Variants in NT5C2 observed in about 807,000 individuals in gnomAD.
NT5C2 encodes the protein cytosolic purine 5'-nucleotidase.
A neutral mutation model predicts 76.1 loss-of-function variants in NT5C2; 58 were observed. The ratio of observed to expected loss-of-function variants is 0.76; its 90% CI spans 0.62 to 0.95. The LOEUF is 0.95. Among genes scored for constraint, NT5C2 ranks in the 40% least tolerant of loss-of-function variants. The probability of loss-of-function intolerance (pLI) is 0.00; values close to 1 mark genes in which losing one functional copy is unlikely to be tolerated. For missense variants in NT5C2, 478 were observed against 690.3 expected, an observed-to-expected ratio of 0.69 and a Z score of 3.45; for synonymous variants, 229 against 237.4, an observed-to-expected ratio of 0.96 and a Z score of 0.32.
intron 4 of NT5C2, chr10:103,111,656 G>A: frequency 1.2e-6 from 1 of 848,728 alleles, no homozygotes; most frequent in Non-Finnish European, 1.6e-6. Flanking sequence ...GACACACTAT[G>A]TAGTAATTTA....
chr10:103,116,700 C>T (rs2074435344), intron 4 of NT5C2, among the ~76,000 whole-genome samples: 1 of 151,294 alleles, frequency 6.6e-6, no homozygotes, highest in African/African-American at 2.4e-5. Flanking sequence ...TCAGCCTCCC[C>T]AGTAGCTGGG....
At chr10:103,105,213 T>G in intron 6 of NT5C2, 1 of 176,790 alleles carries the variant, frequency 5.7e-6, no homozygotes. Context: ...ACCTTATGTT[T>G]ACATTTTTTT....
intron 3 of NT5C2, among the ~76,000 whole-genome samples, chr10:103,145,864 A>C (rs1407245261): frequency 1.3e-5 from 2 of 152,236 alleles, no homozygotes; most frequent in Non-Finnish European, 2.9e-5. Context: ...AACTCCATCC[A>C]AGTAAATATA....
chr10:103,172,985 G>C lies in NT5C2; in HGVS notation c.101+1873C>G, dbSNP rs558454497. On this transcript the variant is annotated intron_variant, in intron 3 of 18. Transcript: ENST00000404739. ...ATCAAGCCACTGGACTTCAGCCTTG[G>C]CAACAGAACGAGACTCTGTCTCAAA... is the stretch of plus-strand genomic sequence containing the variant. 2.6e-5 allele frequency among the ~76,000 whole-genome samples: 4 copies of C among 152,246 alleles called. No individual in the cohort carries two copies. The East Asian group carries it at 7.7e-4, about 29-fold the overall frequency.
Position 103,088,586 on chromosome 10 carries a change from C to T in NT5C2, c.*1086G>A, listed in dbSNP as rs1393841901. On this transcript the variant is annotated 3_prime_UTR_variant, in exon 19 of 19. Transcript: ENST00000404739. ...ATTTTTAGTAGAGATGGGGTTTCTC[C>T]ATGTTGGTAAGGCTGGTCTCGAACT... 2.6e-5 allele frequency: 4 copies of T among 156,618 alleles called. No homozygotes were observed. Among genetic ancestry groups the T allele is most frequent in the Non-Finnish European group, 5.7e-5 (4 of 70,708 alleles). 9.7% of individuals were successfully genotyped at this position (156,618 alleles called of 1,614,324 possible). A position where few individuals can be genotyped will look rare whatever the true frequency, so the allele number is the denominator to read the frequency against.
At chr10:103,144,832 G>A (rs570682999) in intron 3 of NT5C2, among the ~76,000 whole-genome samples, 1 of 152,270 alleles carries the variant, frequency 6.6e-6, no homozygotes, top group South Asian at 2.1e-4. Context: ...GAAATATGAT[G>A]TTTTCCTATG....
intron 3 of NT5C2, among the ~76,000 whole-genome samples, chr10:103,156,529 C>A (rs996001759): frequency 3.3e-5 from 5 of 151,490 alleles, no homozygotes; most frequent in South Asian, 2.1e-4. Flanking sequence ...CCGAGGCGGG[C>A]GGATCACCTG....
intron 2 of NT5C2, among the ~76,000 whole-genome samples, chr10:103,179,028 A>G (rs1156359521): frequency 6.9e-6 from 1 of 144,734 alleles, no homozygotes; most frequent in African/African-American, 2.6e-5. Flanking sequence ...GGCTCACTGC[A>G]ACCTCCACCT....
chr10:103,089,672 T>C lies in NT5C2; in HGVS notation c.1686A>G (p.Ter562=), dbSNP rs2134444523. ...DDEEEEEEEE[*] ...GTGCTTGGGGTTTTGGTTTTCCTCC[T>C]TATTCTTCCTCCTCCTCCTCCTCTT... The change falls in exon 19 of 19, where the codon TAA becomes TAG. Residue 562 remains the stop codon, a stop_retained_variant. Transcript: ENST00000404739. 1 of 1,594,566 alleles carries C rather than the reference T, an allele frequency of 6.3e-7. No homozygotes were observed. Among genetic ancestry groups the C allele is most frequent in the East Asian group, 2.2e-5 (1 of 44,732 alleles).
At chr10:103,189,379 G>A (rs554224334) in intron 1 of NT5C2, among the ~76,000 whole-genome samples, 2 of 151,956 alleles carry the variant, frequency 1.3e-5, no homozygotes, top group East Asian at 2.0e-4. Flanking sequence ...AGGCCAAGGC[G>A]GACGGATCAT....
intron 2 of NT5C2, among the ~76,000 whole-genome samples, chr10:103,178,744 C>T (rs930409958): frequency 6.7e-6 from 1 of 150,344 alleles, no homozygotes. Context: ...GCAGGAGAAT[C>T]GCTTTCACCT....
chr10:103,158,059 G>A (rs998860250), intron 3 of NT5C2, among the ~76,000 whole-genome samples: 3 of 149,390 alleles, frequency 2.0e-5, no homozygotes, highest in Non-Finnish European at 3.0e-5. Context: ...ACAACAGAGC[G>A]AGACTCCATC....
chr10:103,169,810 A>G (rs759669053), intron 3 of NT5C2, among the ~76,000 whole-genome samples: 1 of 152,028 alleles, frequency 6.6e-6, no homozygotes, highest in East Asian at 1.9e-4. Context: ...GTGAGACCAC[A>G]TCTCTAGAAA....
At chr10:103,156,650 G>A (rs937603696) in intron 3 of NT5C2, among the ~76,000 whole-genome samples, 8 of 152,018 alleles carry the variant, frequency 5.3e-5, no homozygotes, top group Non-Finnish European at 1.2e-4. Flanking sequence ...AGCTACTCGG[G>A]AGGCTGAGGC....
rs1212916222 is a variant in NT5C2 at position 103,135,675 on chromosome 10, C to A, written c.175+3731G>T. ...TAGTGGCAGGCACCTGTAATCCCAG[C>A]TACTCAGGAGGCTGAGGCAGGAGAA... On this transcript the variant is annotated intron_variant, in intron 4 of 18. Transcript: ENST00000404739. Among the ~76,000 whole-genome samples the A allele has an allele frequency of 1.1e-4, 17 of 152,254 alleles. No homozygotes were observed. In the South Asian group the frequency reaches 2.9e-3, roughly 26 times the overall value.
chr10:103,092,683 A>G (rs1378528852), intron 15 of NT5C2, among the ~76,000 whole-genome samples: 1 of 152,240 alleles, frequency 6.6e-6, no homozygotes, highest in Non-Finnish European at 1.5e-5. Context: ...CAAGAATACA[A>G]TATGGCCTCA....
chr10:103,175,144 C>T (rs952043049), intron 2 of NT5C2, among the ~76,000 whole-genome samples, 162 bp from the exon 3 acceptor site: 1 of 152,078 alleles, frequency 6.6e-6, no homozygotes, highest in Non-Finnish European at 1.5e-5. Flanking sequence ...TATACTGACA[C>T]TTCTCAATAA....
At chr10:103,159,251 G>GCACACGCA (rs1555024573) in intron 3 of NT5C2, among the ~76,000 whole-genome samples, 2 of 133,202 alleles carry the variant, frequency 1.5e-5, no homozygotes, top group Non-Finnish European at 3.2e-5. Context: ...TCCAAAACAT[G>GCACACGCA]CACACACACA....
chr10:103,136,750 G>A (rs975642362), intron 4 of NT5C2, among the ~76,000 whole-genome samples: 1 of 151,284 alleles, frequency 6.6e-6, no homozygotes, highest in Non-Finnish European at 1.5e-5. Context: ...TCAGCCTCCT[G>A]ACCAGCTGAG....
Sources: gnomAD v4.1 joint callset for allele counts (sites outside exome capture counted in the v4.1 genomes callset) on GRCh38, gnomAD v4.1.1 for gene constraint, MANE v1.5 for transcripts, NCBI Gene and HGNC (gene_info 2026-07-23, HGNC 2026-07-21) for gene names.